The following GALNT3 variants were observed in gnomAD, a reference collection of about 807,000 sequenced individuals.
GALNT3 encodes GalNAc transferase 3.
Under a neutral mutation model 69.8 loss-of-function variants are expected in GALNT3, and 51 were observed. The ratio of observed to expected loss-of-function variants is 0.73; its 90% CI spans 0.58 to 0.92. GALNT3 has a LOEUF of 0.92. Among genes scored for constraint, GALNT3 ranks in the 40% least tolerant of loss-of-function variants. The pLI, the probability that GALNT3 is intolerant of heterozygous loss-of-function variation, is 0.00. For missense variants in GALNT3, 711 were observed against 760.0 expected, an observed-to-expected ratio of 0.94 and a Z score of 0.76; for synonymous variants, 265 against 248.5, an observed-to-expected ratio of 1.07 and a Z score of -0.63.
chr2:165,763,189 C>A (rs550582429), intron 3 of GALNT3, among the ~76,000 whole-genome samples: 59 of 152,194 alleles, frequency 3.9e-4, no homozygotes, highest in African/African-American at 1.4e-3. Flanking sequence ...CTTCAAGCAG[C>A]CTTCTTGGGC....
chr2:165,793,538 C>T (rs1369659363), intron 1 of GALNT3, among the ~76,000 whole-genome samples: 1 of 152,224 alleles, frequency 6.6e-6, no homozygotes, highest in Non-Finnish European at 1.5e-5. Flanking sequence ...TTTGGGGTCC[C>T]CGGCTAGGAA....
In GALNT3 at chr2:165,770,304, A is replaced by T. The variant is rs763127846; in HGVS notation, c.397T>A (p.Leu133Ile). The T allele has an allele frequency of 6.2e-7, 1 of 1,614,134 alleles. No homozygotes were observed. Among genetic ancestry groups the T allele is most frequent in the Admixed American group, 1.7e-5 (1 of 60,006 alleles). ...TTTTCCTTTTGCTCTTCAACACTTA[A>T]ATTGGTTGTCTTGAATGCTTTACCA... ...ASGKAFKTTN[L>I]SVEEQKEKER... The change falls in exon 2 of 11, where the codon TTA becomes ATA. Residue 133 changes from leucine (L) to isoleucine (I), a missense_variant. Leu to Ile is a conservative substitution (Grantham distance 5, BLOSUM62 2). Transcript: ENST00000392701.
intron 1 of GALNT3, 126 bp downstream of exon 1, chr2:165,793,889 A>C (rs1327247894): frequency 2.0e-5 from 3 of 147,820 alleles, no homozygotes. Flanking sequence ...TGCTCTCGAG[A>C]CCGTCTCCAA....
At chr2:165,752,245 T>C (rs991336543) in intron 9 of GALNT3, among the ~76,000 whole-genome samples, 3 of 152,136 alleles carry the variant, frequency 2.0e-5, no homozygotes, top group African/African-American at 7.2e-5. Context: ...GAGCATCTTC[T>C]CCTGGAACAC....
At chr2:165,756,923 C>T (rs1264441011) in intron 7 of GALNT3, 124 bp downstream of exon 7, 3 of 736,354 alleles carry the variant, frequency 4.1e-6, no homozygotes, top group Non-Finnish European at 7.0e-6. Flanking sequence ...AAGTCATGTA[C>T]TTTAAGAGTT....
At chr2:165,756,630 A>G (rs2105404620) in intron 7 of GALNT3, among the ~76,000 whole-genome samples, 1 of 152,008 alleles carries the variant, frequency 6.6e-6, no homozygotes, top group African/African-American at 2.4e-5. Context: ...TAGTGAAACT[A>G]GAGCTTGAAA....
rs181236012 is a variant in GALNT3 at position 165,791,361 on chromosome 2, C to G, written c.-109+2654G>C. ...AGAACAAAAATTCAACAGAATAGTG[C>G]TATTTTCACATTGAGGGCTCCAGCA... On this transcript the variant is annotated intron_variant, in intron 1 of 10. Coordinates refer to ENST00000392701, the MANE Select transcript of GALNT3 (RefSeq NM_004482.4). Among the ~76,000 whole-genome samples, 31 of 152,012 alleles carry G rather than the reference C, an allele frequency of 2.0e-4. No homozygotes were observed. The South Asian group carries it at 6.5e-3, about 32-fold the overall frequency.
intron 3 of GALNT3, 94 bp from the exon 4 acceptor site, chr2:165,762,148 C>A: frequency 1.1e-6 from 1 of 942,928 alleles, no homozygotes; most frequent in Non-Finnish European, 1.6e-6. Context: ...ATGATCCTTC[C>A]AAATTCATAA....
chr2:165,791,522 G>A (rs1040041525), intron 1 of GALNT3, among the ~76,000 whole-genome samples: 2 of 152,010 alleles, frequency 1.3e-5, no homozygotes, highest in Non-Finnish European at 2.9e-5. Context: ...ACTCACATTG[G>A]AGTTTACAGA....
At position 165,793,380 on chromosome 2, in the gene GALNT3, C is replaced by T. The variant is rs574967679; in HGVS notation, c.-109+635G>A. Among the ~76,000 whole-genome samples the T allele has an allele frequency of 5.3e-5, 8 of 152,158 alleles. No homozygotes were observed. In the South Asian group the frequency reaches 1.2e-3, roughly 24 times the overall value. On this transcript the variant is annotated intron_variant, in intron 1 of 10. Coordinates refer to ENST00000392701, the MANE Select transcript of GALNT3 (RefSeq NM_004482.4). ...CTTCTCCATTGATCAGGAAAGTGGG[C>T]CCAACTCTGGCCTGGAGAGCGCACC...
At chr2:165,778,991 A>G (rs1683041563) in intron 1 of GALNT3, among the ~76,000 whole-genome samples, 3 of 152,124 alleles carry the variant, frequency 2.0e-5, no homozygotes, top group Admixed American at 6.6e-5. Context: ...TAGGTGACAG[A>G]GCAGGTCCAT....
At chr2:165,774,282 G>A (rs1688806556) in intron 1 of GALNT3, among the ~76,000 whole-genome samples, 1 of 152,166 alleles carries the variant, frequency 6.6e-6, no homozygotes, top group African/African-American at 2.4e-5. Flanking sequence ...GCAGCTAGAA[G>A]TAGGCTAAAT....
intron 8 of GALNT3, 31 bp downstream of exon 8, chr2:165,754,901 T>C (rs1688418729): frequency 6.2e-7 from 1 of 1,609,980 alleles, no homozygotes; most frequent in African/African-American, 1.3e-5. Context: ...AAGGAGTATA[T>C]TAATTAAAAA....
chr2:165,762,791 G>A, intron 3 of GALNT3, among the ~76,000 whole-genome samples: 1 of 151,992 alleles, frequency 6.6e-6, no homozygotes, highest in East Asian at 1.9e-4. Flanking sequence ...ATCCAGTGTT[G>A]TTTTTTTGTC....
intron 4 of GALNT3, among the ~76,000 whole-genome samples, chr2:165,760,877 C>G (rs924295122): frequency 6.6e-6 from 1 of 152,078 alleles, no homozygotes; most frequent in Non-Finnish European, 1.5e-5. Context: ...CACATTGACT[C>G]TAAAAATGCT....
intron 2 of GALNT3, among the ~76,000 whole-genome samples, chr2:165,765,747 C>T (rs1688627658): frequency 6.6e-6 from 1 of 152,064 alleles, no homozygotes. Context: ...CTAGGCCTCC[C>T]AAAGTGCTGG....
intron 4 of GALNT3, among the ~76,000 whole-genome samples, chr2:165,761,257 G>C (rs1228796028): frequency 6.6e-6 from 1 of 152,114 alleles, no homozygotes; most frequent in Non-Finnish European, 1.5e-5. Context: ...TGCTGCCCAG[G>C]CTAGAGTGCA....
chr2:165,760,254 G>A (rs1174891796), intron 4 of GALNT3, among the ~76,000 whole-genome samples: 7 of 152,152 alleles, frequency 4.6e-5, no homozygotes, highest in Admixed American at 3.9e-4. Flanking sequence ...TGGGTCTTAG[G>A]AGAAAATAAG....
At chr2:165,774,741 T>G (rs1688814621) in intron 1 of GALNT3, among the ~76,000 whole-genome samples, 1 of 152,036 alleles carries the variant, frequency 6.6e-6, no homozygotes, top group Non-Finnish European at 1.5e-5. Context: ...CCAGAAAAAT[T>G]TATTGACTGG....
Sources: gnomAD v4.1 joint callset for allele counts (sites outside exome capture counted in the v4.1 genomes callset) on GRCh38, gnomAD v4.1.1 for gene constraint, MANE v1.5 for transcripts, NCBI Gene and HGNC (gene_info 2026-07-23, HGNC 2026-07-21) for gene names.